The following SYBU variants were observed in gnomAD, a reference collection of about 807,000 sequenced individuals.
The protein encoded by SYBU is syntabulin, also known as GOLSYN A protein.
SYBU carries 21 observed loss-of-function variants against 35.9 expected under a neutral mutation model. That is an observed-to-expected ratio of 0.58 (90% CI 0.41 to 0.84). The LOEUF (loss-of-function observed/expected upper bound fraction) is 0.84. Ranked by LOEUF, SYBU falls within the 40% of genes least tolerant of loss-of-function variation. The pLI is 0.00. For synonymous variants in SYBU, 319 were observed against 324.3 expected (o/e 0.98, Z 0.18); for missense variants, 768 against 848.2 (o/e 0.91, Z 1.17).
At chr8:109,626,812 G>C (rs868630696) in intron 2 of SYBU, among the ~76,000 whole-genome samples, 2 of 152,178 alleles carry the variant, frequency 1.3e-5, no homozygotes, top group African/African-American at 2.4e-5. Context: ...GTTGCAGTGA[G>C]CCACGATTGC....
At chr8:109,601,465 C>A (rs1825509118) in intron 3 of SYBU, among the ~76,000 whole-genome samples, 1 of 152,152 alleles carries the variant, frequency 6.6e-6, no homozygotes, top group Non-Finnish European at 1.5e-5. Context: ...AGTTCCAATG[C>A]TCAAGGGTTT....
At chr8:109,618,011 C>T (rs1355481904) in intron 3 of SYBU, among the ~76,000 whole-genome samples, 1 of 152,162 alleles carries the variant, frequency 6.6e-6, no homozygotes, top group Non-Finnish European at 1.5e-5. Context: ...ATGTCATCAC[C>T]AAACAAAACT....
chr8:109,612,808 C>T (rs891303675), intron 3 of SYBU, among the ~76,000 whole-genome samples: 3 of 151,958 alleles, frequency 2.0e-5, no homozygotes, highest in Non-Finnish European at 4.4e-5. Flanking sequence ...GGTGAAACCC[C>T]GTCTCTACTA....
intron 1 of SYBU, among the ~76,000 whole-genome samples, chr8:109,657,941 C>T (rs925828971): frequency 1.3e-5 from 2 of 152,290 alleles, no homozygotes; most frequent in Admixed American, 1.3e-4. Context: ...ATTTGAATAG[C>T]ATTAGCATAA....
chr8:109,665,723 A>G (rs1017900510), intron 1 of SYBU, among the ~76,000 whole-genome samples: 1 of 152,228 alleles, frequency 6.6e-6, no homozygotes, highest in Non-Finnish European at 1.5e-5. Flanking sequence ...AACCATGTAC[A>G]TATTCTAAGA....
At chr8:109,601,003 A>G (rs1341647857) in intron 3 of SYBU, among the ~76,000 whole-genome samples, 1 of 152,194 alleles carries the variant, frequency 6.6e-6, no homozygotes, top group Non-Finnish European at 1.5e-5. Flanking sequence ...GGTGTTGTCC[A>G]TATCCTATTT....
At chr8:109,640,849 C>A (rs149175724) in intron 2 of SYBU, among the ~76,000 whole-genome samples, 1 of 142,406 alleles carries the variant, frequency 7.0e-6, no homozygotes, top group Admixed American at 7.1e-5. Flanking sequence ...GTAGGCAGTG[C>A]AGAATTTCCA....
chr8:109,635,260 C>A (rs1814093364), intron 2 of SYBU, among the ~76,000 whole-genome samples: 1 of 152,188 alleles, frequency 6.6e-6, no homozygotes, highest in Non-Finnish European at 1.5e-5. Flanking sequence ...TTTACTTAAT[C>A]TTGCGGTGAT....
chr8:109,596,982 G>A (rs1308686268), intron 3 of SYBU, among the ~76,000 whole-genome samples: 1 of 152,154 alleles, frequency 6.6e-6, no homozygotes, highest in African/African-American at 2.4e-5. Flanking sequence ...GTTATGAAGA[G>A]TAAAAGTAAA....
At chr8:109,588,829 G>A (rs1158011605) in intron 3 of SYBU, among the ~76,000 whole-genome samples, 1 of 152,010 alleles carries the variant, frequency 6.6e-6, no homozygotes, top group African/African-American at 2.4e-5. Flanking sequence ...TGCTCTTTGG[G>A]GTTATTAAAA....
chr8:109,681,891 G>A (rs1364509231), upstream of SYBU, among the ~76,000 whole-genome samples: 1 of 152,184 alleles, frequency 6.6e-6, no homozygotes, highest in Non-Finnish European at 1.5e-5. Context: ...TCTTGTGATA[G>A]TGAGTGAGTT....
In SYBU at chr8:109,691,518, T is replaced by G. The variant is rs561268508; in HGVS notation, c.-243A>C. On this transcript the variant is annotated 5_prime_UTR_variant, in exon 1 of 8. Coordinates refer to the SYBU transcript ENST00000422135. The surrounding 1 kb of genome is among the most constrained non-coding windows in gnomAD (Gnocchi z 4.7). ...CCCGCCTTAGCCCGGCTTGGACACG[T>G]GGTGCCGCGGAATCCCTTGCGCTCC... 3.4e-5 allele frequency: 17 copies of G among 493,392 alleles called. No individual in the cohort carries two copies. The highest frequency in any genetic ancestry group is 2.6e-4 in the Admixed American group (6 of 22,768). The allele number at this position is 493,392 out of a possible 1,614,324, so 30.6% of individuals were successfully genotyped here.
intron 1 of SYBU, among the ~76,000 whole-genome samples, chr8:109,689,052 G>A (rs1272048063): frequency 6.6e-6 from 1 of 152,036 alleles, no homozygotes; most frequent in Non-Finnish European, 1.5e-5. Context: ...AGAATATATA[G>A]TAAAATGAAA....
chr8:109,643,178 C>T, intron 1 of SYBU: 1 of 1,166,574 alleles, frequency 8.6e-7, no homozygotes, highest in Non-Finnish European at 1.1e-6. Flanking sequence ...CACACATATA[C>T]ACACCTCCAC....
chr8:109,628,110 A>T (rs1315143256), intron 2 of SYBU, among the ~76,000 whole-genome samples: 2 of 152,212 alleles, frequency 1.3e-5, no homozygotes, highest in East Asian at 3.8e-4. Context: ...TGTTCTAGAT[A>T]TTAGGGAGGT....
chr8:109,588,969 G>A (rs1193764356), intron 3 of SYBU, among the ~76,000 whole-genome samples: 1 of 152,104 alleles, frequency 6.6e-6, no homozygotes, highest in East Asian at 1.9e-4. Flanking sequence ...AAACCAGCCT[G>A]GCCAACATGG....
At chr8:109,623,788 A>C (rs1279728911) in intron 2 of SYBU, among the ~76,000 whole-genome samples, 2 of 152,188 alleles carry the variant, frequency 1.3e-5, no homozygotes, top group Admixed American at 6.5e-5. Flanking sequence ...GAGGTTGTTA[A>C]AATTTTAGCT....
In SYBU at chr8:109,620,271, G is replaced by A. The variant is rs148142966; in HGVS notation, c.230-1232C>T. Among the ~76,000 whole-genome samples, 63 of 152,244 alleles carry A rather than the reference G, an allele frequency of 4.1e-4. No individual in the cohort carries two copies. In the East Asian group the frequency reaches 0.011, roughly 27 times the overall value. On this transcript the variant is annotated intron_variant, in intron 2 of 6. Coordinates refer to ENST00000276646, the MANE Select transcript of SYBU (RefSeq NM_001099754.2). ...ATGTTTTGATGCCAGAGTTACTTTA[G>A]TAACTCATTAGACAAAGAACAAATA...
At chr8:109,595,302 A>G (rs1050528887) in intron 3 of SYBU, among the ~76,000 whole-genome samples, 19 of 152,224 alleles carry the variant, frequency 1.2e-4, no homozygotes, top group Admixed American at 1.0e-3. Context: ...TTCTTCTTTT[A>G]GATTATAAGT....
Sources: allele counts gnomAD v4.1 joint callset (sites outside exome capture counted in the v4.1 genomes callset), GRCh38; gene constraint gnomAD v4.1.1; non-coding constraint Gnocchi (gnomAD v3.1); transcripts MANE v1.5; gene names NCBI Gene and HGNC (gene_info 2026-07-23, HGNC 2026-07-21).